The following MPDZ variants were observed in gnomAD, a reference collection of about 807,000 sequenced individuals.
The protein encoded by MPDZ is multiple PDZ domain crumbs cell polarity complex component.
MPDZ carries 234 observed loss-of-function variants against 239.1 expected under a neutral mutation model. The observed-to-expected ratio is 0.98, with a 90% confidence interval of 0.88 to 1.09. The LOEUF is 1.09. Among genes scored for constraint, MPDZ ranks in the 50% least tolerant of loss-of-function variants. The pLI, the probability that MPDZ is intolerant of heterozygous loss-of-function variation, is 0.00. For missense variants in MPDZ, 3,175 were observed against 2,510.0 expected (o/e 1.26, Z -5.66); for synonymous variants, 1,048 against 881.3 (o/e 1.19, Z -3.35).
intron 6 of MPDZ, 150 bp downstream of exon 6, chr9:13,222,083 G>T: frequency 3.3e-6 from 2 of 600,952 alleles, no homozygotes; most frequent in South Asian, 3.1e-5. Context: ...CATGCTTAAA[G>T]AACAAATATT....
chr9:13,240,865 A>T (rs1419037763), intron 3 of MPDZ, among the ~76,000 whole-genome samples: 1 of 152,020 alleles, frequency 6.6e-6, no homozygotes, highest in African/African-American at 2.4e-5. Context: ...GTTAAAAAAA[A>T]CTCATTTAGG....
intron 3 of MPDZ, among the ~76,000 whole-genome samples, chr9:13,245,857 C>A (rs1966472083): frequency 6.6e-6 from 1 of 152,138 alleles, no homozygotes; most frequent in Admixed American, 6.5e-5. Flanking sequence ...CCCCTCCTTT[C>A]ATGAGACACT....
chr9:13,189,712 G>C (rs1007459530), intron 16 of MPDZ, among the ~76,000 whole-genome samples: 3 of 152,128 alleles, frequency 2.0e-5, no homozygotes, highest in Admixed American at 6.6e-5. Flanking sequence ...CAAATGATTG[G>C]AACAGCAGAA....
At chr9:13,261,130 G>C (rs1316470566) in intron 1 of MPDZ, among the ~76,000 whole-genome samples, 1 of 152,188 alleles carries the variant, frequency 6.6e-6, no homozygotes. Context: ...GAGTTGAGAA[G>C]ATAGAAGGTG....
At chr9:13,122,916 T>C (rs1021128118) in intron 36 of MPDZ, among the ~76,000 whole-genome samples, 3 of 152,162 alleles carry the variant, frequency 2.0e-5, no homozygotes, top group Non-Finnish European at 2.9e-5. Context: ...ACTTTGAAAT[T>C]TCAAGATCAA....
In MPDZ at chr9:13,106,828, AGAAACTT is replaced by A; in HGVS notation, c.*130_*136del. 1.1e-6 allele frequency: 1 copy of A among 918,208 alleles called. No homozygotes were observed. The highest frequency in any genetic ancestry group is 2.7e-5 in the South Asian group (1 of 36,642). 56.9% of individuals were successfully genotyped at this position (918,208 alleles called of 1,614,324 possible). On this transcript the variant is annotated 3_prime_UTR_variant, in exon 47 of 47. Coordinates refer to ENST00000319217, the MANE Select transcript of MPDZ (RefSeq NM_001378778.1). ...AGGAAAGCATTTCTAGATGAGAAAA[AGAAACTT>A]AAGTGTTATTTCCCCCCTACAGTTT...
In MPDZ at chr9:13,110,749, G is replaced by C; in HGVS notation, c.5725-9C>G. 2 of 1,607,346 alleles carry C rather than the reference G, an allele frequency of 1.2e-6. No homozygotes were observed. The highest frequency in any genetic ancestry group is 1.7e-6 in the Non-Finnish European group (2 of 1,175,866). On this transcript the variant is annotated splice_polypyrimidine_tract_variant and intron_variant, in intron 43 of 46. Coordinates refer to ENST00000319217, the MANE Select transcript of MPDZ (RefSeq NM_001378778.1). Reference sequence around the variant, plus strand: ...ACAATCCTATCCCCAACCTGCAAGGGAGAGAAAGAAACAGCCATCTGCTAA... The same window carrying C: ...ACAATCCTATCCCCAACCTGCAAGGCAGAGAAAGAAACAGCCATCTGCTAA...
intron 15 of MPDZ, 119 bp from the exon 16 acceptor site, chr9:13,190,418 G>A (rs1246364696): frequency 4.1e-5 from 35 of 849,684 alleles, no homozygotes; most frequent in Non-Finnish European, 5.3e-5. Context: ...TCAAACAAGA[G>A]TAGCAACAGC....
intron 19 of MPDZ, among the ~76,000 whole-genome samples, chr9:13,177,044 C>T (rs1219532418): frequency 6.6e-6 from 1 of 152,138 alleles, no homozygotes; most frequent in African/African-American, 2.4e-5. Context: ...AATCCAGGCT[C>T]TGTTATTAAC....
intron 3 of MPDZ, among the ~76,000 whole-genome samples, chr9:13,230,598 G>A (rs1749449997): frequency 6.6e-6 from 1 of 152,062 alleles, no homozygotes; most frequent in South Asian, 2.1e-4. Context: ...ATGAATTAAA[G>A]GTTGCCAGGG....
intron 3 of MPDZ, among the ~76,000 whole-genome samples, chr9:13,230,222 C>G (rs1310685819): frequency 3.3e-5 from 5 of 152,050 alleles, no homozygotes; most frequent in Admixed American, 2.6e-4. Context: ...AAATGGTACA[C>G]CCCACTGAAA....
At position 13,221,431 on chromosome 9, in the gene MPDZ, C is replaced by A. The variant is rs1450487513; in HGVS notation, c.817G>T (p.Gly273Ter). The change falls in exon 7 of 47, where the codon GGA becomes TGA. Residue 273 changes from glycine (G) to a stop codon, truncating the protein, a stop_gained. Coordinates refer to ENST00000319217, the MANE Select transcript of MPDZ (RefSeq NM_001378778.1). LOFTEE classifies it high-confidence loss of function. ...ACTATCACACCAGTTGCTTTTCCTC[C>A]TATGATGCCAAATCCCAAACCAGAT... ...DGSGLGFGII[G>*]GKATGVIVKT... 3.7e-6 allele frequency: 6 copies of A among 1,611,290 alleles called. No individual in the cohort carries two copies. The highest frequency in any genetic ancestry group is 5.1e-6 in the Non-Finnish European group (6 of 1,178,382).
chr9:13,198,737 C>CTCTCTGTGTGTGTG (rs755487892), intron 12 of MPDZ, among the ~76,000 whole-genome samples: 999 of 69,574 alleles, frequency 0.014, 28 homozygotes, highest in East Asian at 0.04. Flanking sequence ...ATCTCTCTCT[C>CTCTCTGTGTGTGTG]TGTGTGTGTG....
rs200101388 is a variant in MPDZ at position 13,192,286 on chromosome 9, T to C, written c.1813A>G (p.Ile605Val). ...TGGTGATTTTCCCCAAGTAAAGTTA[T>C]GCCATTTACCTGTGAAAAAAGATAC... ...SGDELLEVNG[I>V]TLLGENHQDV... The change falls in exon 15 of 47, where the codon ATA becomes GTA. Residue 605 changes from isoleucine to valine, a missense_variant. Coordinates refer to ENST00000319217, the MANE Select transcript of MPDZ (RefSeq NM_001378778.1). The C allele has an allele frequency of 7.7e-4, 1,233 of 1,596,560 alleles. 3 individuals are homozygous for C. Among genetic ancestry groups the C allele is most frequent in the Non-Finnish European group, 9.8e-4 (1,149 of 1,170,208 alleles).
Position 13,176,319 on chromosome 9 carries a change from T to A in MPDZ, c.2748A>T (p.Thr916=). Residue 916 remains threonine (T), a synonymous_variant, in exon 20 of 47, where the codon ACA becomes ACT. Transcript: ENST00000319217. ...QNLLQRQDEN[T]PSVDISMGPA... ...GCCCCATACTTATGTCCACCGAAGG[T>A]GTATTCTCATCCTGTCTTTGCAGGA... The A allele has an allele frequency of 6.2e-7, 1 of 1,609,386 alleles. No homozygotes were observed. The highest frequency in any genetic ancestry group is 8.5e-7 in the Non-Finnish European group (1 of 1,177,554).
chr9:13,176,442 C>T lies in MPDZ; in HGVS notation c.2650-25G>A, dbSNP rs747869838. Reference sequence around the variant, plus strand: ...CCTGGTAGTTAAAAAACAACAACAACAAAACATGAAAAATGTGACCAGAAT... The same window carrying T: ...CCTGGTAGTTAAAAAACAACAACAATAAAACATGAAAAATGTGACCAGAAT... On this transcript the variant is annotated intron_variant, in intron 19 of 46. Coordinates refer to ENST00000319217, the MANE Select transcript of MPDZ (RefSeq NM_001378778.1). The T allele has an allele frequency of 1.3e-5, 19 of 1,499,836 alleles. No homozygotes were observed. The South Asian group carries it at 1.4e-4, about 11-fold the overall frequency. The allele number at this position is 1,499,836 out of a possible 1,614,324, so 92.9% of individuals were successfully genotyped here. A position where few individuals can be genotyped will look rare whatever the true frequency, so the allele number is the denominator to read the frequency against.
At chr9:13,200,129 G>A (rs939897272) in intron 12 of MPDZ, among the ~76,000 whole-genome samples, 6 of 151,600 alleles carry the variant, frequency 4.0e-5, no homozygotes, top group Non-Finnish European at 5.9e-5. Flanking sequence ...CTTGTTACTG[G>A]TCCGTTCAAG....
intron 1 of MPDZ, among the ~76,000 whole-genome samples, chr9:13,263,512 T>C (rs1971163126): frequency 6.6e-6 from 1 of 152,146 alleles, no homozygotes; most frequent in Non-Finnish European, 1.5e-5. Context: ...GACTACCTAA[T>C]TCCAGCAAAA....
At chr9:13,259,413 T>G (rs1237982187) in intron 1 of MPDZ, among the ~76,000 whole-genome samples, 1 of 152,166 alleles carries the variant, frequency 6.6e-6, no homozygotes, top group African/African-American at 2.4e-5. Flanking sequence ...CATTCACTGA[T>G]TCTGCAAATA....
Sources: allele counts gnomAD v4.1 joint callset (sites outside exome capture counted in the v4.1 genomes callset), GRCh38; gene constraint gnomAD v4.1.1; transcripts MANE v1.5; gene names NCBI Gene and HGNC (gene_info 2026-07-23, HGNC 2026-07-21).